Variants in GPBP1 observed in about 807,000 individuals in gnomAD.
The protein encoded by GPBP1 is vasculin.
GPBP1 carries 13 observed loss-of-function variants against 56.5 expected under a neutral mutation model. The observed-to-expected ratio is 0.23, with a 90% CI of 0.15 to 0.37. GPBP1 has a LOEUF of 0.37. GPBP1 is among the 10% of genes least tolerant of loss of function. The pLI, the probability that GPBP1 is intolerant of heterozygous loss-of-function variation, is 1.00. For missense variants in GPBP1, 477 were observed against 572.3 expected, an observed-to-expected ratio of 0.83 and a Z score of 1.70; for synonymous variants, 204 against 188.9, an observed-to-expected ratio of 1.08 and a Z score of -0.66.
In GPBP1 at chr5:57,216,418, C is replaced by T. The variant is rs926812113; in HGVS notation, c.63+2225C>T. Among the ~76,000 whole-genome samples the T allele has an allele frequency of 2.6e-5, 4 of 151,972 alleles. No individual in the cohort carries two copies. The South Asian group carries it at 6.2e-4, about 24-fold the overall frequency. ...TCTGAACAAGTATAACTGGGGAAAA[C>T]GATTAAAAAACAAAACACCGTGGTC... On this transcript the variant is annotated intron_variant, in intron 3 of 11. Coordinates refer to ENST00000506184, the MANE Select transcript of GPBP1 (RefSeq NM_022913.4).
chr5:57,226,640 G>T (rs1460174140), intron 3 of GPBP1, among the ~76,000 whole-genome samples: 2 of 136,004 alleles, frequency 1.5e-5, no homozygotes, highest in Non-Finnish European at 3.1e-5. Context: ...GCTCACTGCA[G>T]CCTCCGCCTG....
chr5:57,218,400 C>T (rs923292705), intron 3 of GPBP1, among the ~76,000 whole-genome samples: 4 of 152,176 alleles, frequency 2.6e-5, no homozygotes, highest in Admixed American at 6.5e-5. Flanking sequence ...CAGGGAAACA[C>T]ATTTGCTGAT....
intron 8 of GPBP1, among the ~76,000 whole-genome samples, chr5:57,248,528 C>T (rs1423954514): frequency 6.6e-6 from 1 of 150,570 alleles, no homozygotes; most frequent in African/African-American, 2.4e-5. Flanking sequence ...CCCGGGTTCA[C>T]GCCATTCTCC....
intron 2 of GPBP1, among the ~76,000 whole-genome samples, chr5:57,191,611 G>T (rs1236317729): frequency 6.6e-6 from 1 of 151,056 alleles, no homozygotes; most frequent in Non-Finnish European, 1.5e-5. Flanking sequence ...CACCAGGCTG[G>T]AGTGCAGTGG....
At chr5:57,184,266 T>C (rs755510759) in intron 2 of GPBP1, among the ~76,000 whole-genome samples, 7 of 152,090 alleles carry the variant, frequency 4.6e-5, no homozygotes, top group Admixed American at 3.3e-4. Flanking sequence ...TGGGGTGTAA[T>C]GTACATAACT....
chr5:57,235,305 CA>C (rs201543556), intron 5 of GPBP1, among the ~76,000 whole-genome samples: 73 of 142,748 alleles, frequency 5.1e-4, no homozygotes, highest in Admixed American at 7.0e-4. Context: ...GACTGCATTT[CA>C]AAAAAAAAAA....
intron 3 of GPBP1, among the ~76,000 whole-genome samples, chr5:57,224,333 C>T (rs1338576007): frequency 6.6e-6 from 1 of 151,712 alleles, no homozygotes; most frequent in Non-Finnish European, 1.5e-5. Flanking sequence ...GCCTTTGCCT[C>T]CCAGGTTCAA....
chr5:57,262,045 C>T (rs1357685501), intron 11 of GPBP1, among the ~76,000 whole-genome samples: 1 of 152,110 alleles, frequency 6.6e-6, no homozygotes, highest in East Asian at 1.9e-4. Context: ...CTACACTGGG[C>T]TTATTTTCTG....
Position 57,217,523 on chromosome 5 carries a change from A to G in GPBP1, c.63+3330A>G, listed in dbSNP as rs561663737. 2.0e-5 allele frequency among the ~76,000 whole-genome samples: 3 copies of G among 151,344 alleles called. No homozygotes were observed. In the South Asian group the frequency reaches 6.3e-4, roughly 32 times the overall value. On this transcript the variant is annotated intron_variant, in intron 3 of 11. Transcript: ENST00000506184. ...AGGGTGGAGGTTGTGGTGAGCCGAGATTGTGCCATTGCACTCCAGCCTGGG... is the reference window on the plus strand; with the variant it reads ...AGGGTGGAGGTTGTGGTGAGCCGAGGTTGTGCCATTGCACTCCAGCCTGGG...
chr5:57,246,674 TTG>T, intron 7 of GPBP1, among the ~76,000 whole-genome samples, 190 bp downstream of exon 7: 1 of 152,304 alleles, frequency 6.6e-6, no homozygotes, highest in East Asian at 1.9e-4. Flanking sequence ...TGTGGTTTTA[TTG>T]TTTTAGCAGT....
chr5:57,228,196 C>T (rs539621697), intron 3 of GPBP1, among the ~76,000 whole-genome samples: 2 of 152,288 alleles, frequency 1.3e-5, no homozygotes, highest in South Asian at 2.1e-4. Context: ...GTGGCTTACA[C>T]GTGTAATCTC....
rs541712494 is a variant in GPBP1, at chr5:57,261,109, T to C, written c.1161-71T>C. 116 of 950,180 alleles carry C rather than the reference T, an allele frequency of 1.2e-4. 1 individual carries two copies. In the South Asian group the frequency reaches 1.3e-3, roughly 10 times the overall value. The allele number at this position is 950,180 out of a possible 1,614,324, so 58.9% of individuals were successfully genotyped here. On this transcript the variant is annotated intron_variant, in intron 10 of 11. Transcript: ENST00000506184. ...GATCCTGGTGGATCATGTTTTCTTA[T>C]ACATAATGTAAATGATACTGTCCTA...
intron 10 of GPBP1, among the ~76,000 whole-genome samples, chr5:57,251,622 G>C (rs1378671677): frequency 1.5e-5 from 2 of 135,418 alleles, no homozygotes; most frequent in Non-Finnish European, 3.2e-5. Flanking sequence ...TCTACTTTTT[G>C]ACTGTTTTGG....
chr5:57,255,600 G>T (rs1456132067), intron 10 of GPBP1, among the ~76,000 whole-genome samples: 1 of 152,200 alleles, frequency 6.6e-6, no homozygotes, highest in Non-Finnish European at 1.5e-5. Context: ...GGCAGTAAAA[G>T]AATACAGATA....
intron 3 of GPBP1, among the ~76,000 whole-genome samples, chr5:57,222,030 GTTTTTTTGTTTTGT>G (rs1043357989): frequency 6.6e-6 from 1 of 151,276 alleles, no homozygotes; most frequent in Non-Finnish European, 1.5e-5. Flanking sequence ...CTTTAGTTTT[GTTTTTTTGTTTTGT>G]TTTTTTTGTT....
chr5:57,250,931 T>TA, intron 9 of GPBP1, 23 bp from the exon 10 acceptor site: 1 of 1,470,302 alleles, frequency 6.8e-7, no homozygotes. Context: ...TCTTTTTTTT[T>TA]TTTTTAACTC....
intron 2 of GPBP1, among the ~76,000 whole-genome samples, chr5:57,202,282 G>A (rs1755052344): frequency 6.6e-6 from 1 of 152,026 alleles, no homozygotes; most frequent in African/African-American, 2.4e-5. Flanking sequence ...AGTGGGCCTG[G>A]CTCCAGCATT....
At chr5:57,181,124 A>G (rs2111570828) in intron 2 of GPBP1, among the ~76,000 whole-genome samples, 1 of 152,346 alleles carries the variant, frequency 6.6e-6, no homozygotes, top group East Asian at 1.9e-4. Context: ...ACTTGAGATT[A>G]GGAGTTCGAG....
At chr5:57,191,141 A>AGT (rs1754508477) in intron 2 of GPBP1, among the ~76,000 whole-genome samples, 1 of 151,192 alleles carries the variant, frequency 6.6e-6, no homozygotes, top group Non-Finnish European at 1.5e-5. Context: ...GCTGGAGTGC[A>AGT]GTGGCACAAC....
Sources: gnomAD v4.1 joint callset for allele counts (sites outside exome capture counted in the v4.1 genomes callset) on GRCh38, gnomAD v4.1.1 for gene constraint, MANE v1.5 for transcripts, NCBI Gene and HGNC (gene_info 2026-07-23, HGNC 2026-07-21) for gene names.